The following MLXIP variants were observed in gnomAD, a reference collection of about 807,000 sequenced individuals.
MLXIP encodes MLX interacting protein.
MLXIP carries 30 observed loss-of-function variants against 87.2 expected under a neutral mutation model. The observed-to-expected ratio is 0.34, with a 90% CI of 0.26 to 0.47. MLXIP has a LOEUF of 0.47. Among genes scored for constraint, MLXIP ranks in the 20% least tolerant of loss-of-function variants. The pLI is 1.00. For synonymous variants in MLXIP, 530 were observed against 514.0 expected (o/e 1.03, Z -0.42); for missense variants, 1,002 against 1,240.1 (o/e 0.81, Z 2.88).
At chr12:122,116,586 T>C (rs1593090811) in intron 1 of MLXIP, among the ~76,000 whole-genome samples, 1 of 152,220 alleles carries the variant, frequency 6.6e-6, no homozygotes, top group Non-Finnish European at 1.5e-5. Flanking sequence ...CGAGGAAACC[T>C]AGGACTCTGG....
At position 122,121,010 on chromosome 12, in the gene MLXIP, G is replaced by GTTTT. The variant is rs1233404015; in HGVS notation, c.414-6231_414-6228dup. ...AGCCCCAGAGCCCTCTGCATGCTTG[G>GTTTT]TTTTTTTTTTTTTTTTTTGAAACGG... On this transcript the variant is annotated intron_variant, in intron 1 of 16. Coordinates refer to ENST00000319080, the MANE Select transcript of MLXIP (RefSeq NM_014938.6). 8.6e-3 allele frequency among the ~76,000 whole-genome samples: 964 copies of GTTTT among 111,874 alleles called. 66 individuals are homozygous for GTTTT. Among genetic ancestry groups the GTTTT allele is most frequent in the South Asian group, 0.032 (112 of 3,510 alleles). The allele number at this position is 111,874 out of a possible 152,430, so 73.4% of individuals were successfully genotyped here.
intron 7 of MLXIP, among the ~76,000 whole-genome samples, chr12:122,131,441 CTTTTTTTT>C (rs1174308802): frequency 1.3e-5 from 1 of 76,546 alleles, no homozygotes; most frequent in Admixed American, 1.8e-4. Flanking sequence ...TTGTTTGAGT[CTTTTTTTT>C]TTTTTTTTTT....
intron 1 of MLXIP, among the ~76,000 whole-genome samples, chr12:122,110,851 G>A (rs577061422): frequency 2.6e-5 from 4 of 152,000 alleles, no homozygotes; most frequent in Non-Finnish European, 5.9e-5. Flanking sequence ...GCCAAGGTGG[G>A]CGGATCACGA....
At chr12:122,094,083 TTGG>T (rs1280141892) in intron 1 of MLXIP, among the ~76,000 whole-genome samples, 11 of 140,320 alleles carry the variant, frequency 7.8e-5, no homozygotes, top group Admixed American at 1.4e-4. Flanking sequence ...GTGTGGTGTG[TTGG>T]TGTGTGTGGT....
At chr12:122,104,096 C>A (rs1462562162) in intron 1 of MLXIP, among the ~76,000 whole-genome samples, 2 of 152,150 alleles carry the variant, frequency 1.3e-5, no homozygotes, top group African/African-American at 4.8e-5. Context: ...GGGTCCAACT[C>A]CTTACATTAT....
At chr12:122,110,618 A>T (rs1407550719) in intron 1 of MLXIP, among the ~76,000 whole-genome samples, 1 of 151,826 alleles carries the variant, frequency 6.6e-6, no homozygotes, top group Non-Finnish European at 1.5e-5. Flanking sequence ...AAAAAAATTA[A>T]AATTTAGCTG....
Position 122,141,880 on chromosome 12 carries a change from C to G in MLXIP, c.*68C>G. ...TTCCCTGCCCATGGAGAGTAGGCTG[C>G]GCCCCCCAGCCCTTCCTGACGCTCA... On this transcript the variant is annotated 3_prime_UTR_variant, in exon 17 of 17. Coordinates refer to ENST00000319080, the MANE Select transcript of MLXIP (RefSeq NM_014938.6). 1.3e-6 allele frequency: 2 copies of G among 1,585,502 alleles called. No individual in the cohort carries two copies. The highest frequency in any genetic ancestry group is 1.7e-6 in the Non-Finnish European group (2 of 1,166,706).
intron 2 of MLXIP, 95 bp from the exon 3 acceptor site, chr12:122,127,788 A>C: frequency 3.4e-6 from 3 of 891,292 alleles, no homozygotes; most frequent in Non-Finnish European, 3.7e-6. Context: ...GTACCTGGGA[A>C]TGTGGTCTGC....
At chr12:122,140,845 C>T in intron 15 of MLXIP, 109 bp from the exon 16 acceptor site, 1 of 1,528,596 alleles carries the variant, frequency 6.5e-7, no homozygotes. Context: ...TCTCTGTGGG[C>T]AGATACTTTC....
intron 2 of MLXIP, 82 bp from the exon 3 acceptor site, chr12:122,127,801 T>G: frequency 1.8e-6 from 2 of 1,092,302 alleles, no homozygotes; most frequent in African/African-American, 1.5e-5. Flanking sequence ...TGGTCTGCCC[T>G]AGGGGAGGGG....
chr12:122,139,846 G>T (rs555036952), intron 15 of MLXIP, among the ~76,000 whole-genome samples: 2 of 152,146 alleles, frequency 1.3e-5, no homozygotes, highest in Non-Finnish European at 2.9e-5. Flanking sequence ...GCTAATTTTT[G>T]TATTTTTAAT....
chr12:122,130,238 G>A lies in MLXIP; in HGVS notation c.910+126G>A, dbSNP rs532370845. The A allele has an allele frequency of 2.3e-5, 23 of 988,216 alleles. No homozygotes were observed. The South Asian group carries it at 3.2e-4, about 14-fold the overall frequency. The allele number at this position is 988,216 out of a possible 1,614,324, so 61.2% of individuals were successfully genotyped here. ...TGCACGTCACGGTTGGGGGCAGGCA[G>A]TAAGGAAGGGAAGGATGGCTGGCCT... On this transcript the variant is annotated intron_variant, in intron 6 of 16. Coordinates refer to ENST00000319080, the MANE Select transcript of MLXIP (RefSeq NM_014938.6).
In MLXIP at chr12:122,113,681, C is replaced by CTTTTTTTTTTTTT. The variant is rs1173711241; in HGVS notation, c.414-13566_414-13554dup. The stretch of plus-strand genomic sequence containing the variant: ...ACAGTCCATATAACTGCCTTCATTT[C>CTTTTTTTTTTTTT]TTTTTTTTTTTTTTTTTTTTTGAGA... On this transcript the variant is annotated intron_variant, in intron 1 of 16. Transcript: ENST00000319080. 5.2e-4 allele frequency among the ~76,000 whole-genome samples: 52 copies of CTTTTTTTTTTTTT among 100,688 alleles called. 5 individuals are homozygous for CTTTTTTTTTTTTT. Among genetic ancestry groups the CTTTTTTTTTTTTT allele is most frequent in the African/African-American group, 1.1e-3 (27 of 24,798 alleles). 66.1% of individuals were successfully genotyped at this position (100,688 alleles called of 152,430 possible). A position where few individuals can be genotyped will look rare whatever the true frequency, so the allele number is the denominator to read the frequency against.
chr12:122,079,337 G>T, intron 1 of MLXIP, 71 bp downstream of exon 1: 1 of 1,372,256 alleles, frequency 7.3e-7, no homozygotes, highest in Non-Finnish European at 1.0e-6. Flanking sequence ...GTGGAGGGAA[G>T]GGCCGCCTGG....
chr12:122,088,081 A>G (rs984574089), intron 1 of MLXIP, among the ~76,000 whole-genome samples: 1 of 152,108 alleles, frequency 6.6e-6, no homozygotes, highest in South Asian at 2.1e-4. Context: ...GTGGGCGGGC[A>G]GCTTCCCTGA....
chr12:122,098,782 G>C (rs919746392), intron 1 of MLXIP, among the ~76,000 whole-genome samples: 1 of 152,204 alleles, frequency 6.6e-6, no homozygotes, highest in Non-Finnish European at 1.5e-5. Context: ...TGTGGTTTGC[G>C]TCGCTCCGGT....
In MLXIP at chr12:122,146,146, T is replaced by C. The variant is rs61747012; in HGVS notation, c.*4334T>C. ...TCCGGGCAGGCAGCGTGTGCAGCAG[T>C]GGCCAGCCAGAGTGCCAAAGATGCA... On this transcript the variant is annotated 3_prime_UTR_variant, in exon 17 of 17. Coordinates refer to ENST00000319080, the MANE Select transcript of MLXIP (RefSeq NM_014938.6). The C allele has an allele frequency of 8.2e-3, 1,247 of 152,598 alleles. 16 individuals are homozygous for C. Among genetic ancestry groups the C allele is most frequent in the African/African-American group, 0.029 (1,188 of 41,570 alleles). 9.5% of individuals were successfully genotyped at this position (152,598 alleles called of 1,614,324 possible). A position where few individuals can be genotyped will look rare whatever the true frequency, so the allele number is the denominator to read the frequency against.
chr12:122,118,387 C>T lies in MLXIP; in HGVS notation c.414-8869C>T, dbSNP rs117337532. Reference sequence around the variant, plus strand: ...AGTGTTATATTTCAACAATACAAAACGGTGTTCAGTGAACACTCCTTCTCA... The same window carrying T: ...AGTGTTATATTTCAACAATACAAAATGGTGTTCAGTGAACACTCCTTCTCA... On this transcript the variant is annotated intron_variant, in intron 1 of 16. Coordinates refer to ENST00000319080, the MANE Select transcript of MLXIP (RefSeq NM_014938.6). Among the ~76,000 whole-genome samples the T allele has an allele frequency of 4.1e-4, 63 of 152,308 alleles. 1 individual carries two copies. In the East Asian group the frequency reaches 0.01, roughly 24 times the overall value.
At position 122,122,491 on chromosome 12, in the gene MLXIP, G is replaced by A. The variant is rs554935759; in HGVS notation, c.414-4765G>A. Among the ~76,000 whole-genome samples, 7 of 152,146 alleles carry A rather than the reference G, an allele frequency of 4.6e-5. 1 individual carries two copies. In the South Asian group the frequency reaches 1.2e-3, roughly 27 times the overall value. On this transcript the variant is annotated intron_variant, in intron 1 of 16. Transcript: ENST00000319080. ...GGATCCTCCCACCTCAGCCTTCCAA[G>A]TAGCCAGGACCACAGGCACAGGCTA...
Sources: gnomAD v4.1 joint callset for allele counts (sites outside exome capture counted in the v4.1 genomes callset) on GRCh38, gnomAD v4.1.1 for gene constraint, MANE v1.5 for transcripts, NCBI Gene and HGNC (gene_info 2026-07-23, HGNC 2026-07-21) for gene names.